The following SPAG16 variants were observed in gnomAD, a reference collection of about 807,000 sequenced individuals.
The protein encoded by SPAG16 is sperm-associated antigen 16 protein.
Under a neutral mutation model 80.4 loss-of-function variants are expected in SPAG16, and 86 were observed. The ratio of observed to expected loss-of-function variants is 1.07; its 90% CI spans 0.90 to 1.28. SPAG16 has a LOEUF of 1.28. Ranked by LOEUF, SPAG16 falls within the 50% of genes most tolerant of loss-of-function variation. SPAG16 has a pLI of 0.00. For missense variants in SPAG16, 870 were observed against 765.3 expected, an observed-to-expected ratio of 1.14 and a Z score of -1.61; for synonymous variants, 294 against 265.9, an observed-to-expected ratio of 1.11 and a Z score of -1.03.
chr2:214,013,813 C>A, intron 12 of SPAG16, 138 bp from the exon 13 acceptor site: 1 of 765,084 alleles, frequency 1.3e-6, no homozygotes, highest in East Asian at 2.7e-5. Flanking sequence ...TAGAATTTTA[C>A]TTTTAAAATG....
intron 10 of SPAG16, among the ~76,000 whole-genome samples, chr2:213,818,012 TA>T (rs1430710592): frequency 2.0e-5 from 3 of 152,132 alleles, no homozygotes; most frequent in Non-Finnish European, 2.9e-5. Flanking sequence ...TGGAAGGCGT[TA>T]AATGCTGCCT....
intron 10 of SPAG16, among the ~76,000 whole-genome samples, chr2:213,843,351 A>T (rs2074458417): frequency 1.3e-5 from 2 of 152,168 alleles, no homozygotes; most frequent in South Asian, 4.1e-4. Context: ...ACAGTGACTA[A>T]TCTATGCACT....
Position 213,377,817 on chromosome 2 carries a change from G to T in SPAG16, c.942+2698G>T, listed in dbSNP as rs142205593. 5.8e-3 allele frequency among the ~76,000 whole-genome samples: 875 copies of T among 151,908 alleles called. 1 individual carries two copies. The highest frequency in any genetic ancestry group is 9.0e-3 in the Non-Finnish European group (610 of 67,978). On this transcript the variant is annotated intron_variant, in intron 9 of 15. Coordinates refer to ENST00000331683, the MANE Select transcript of SPAG16 (RefSeq NM_024532.5). ...TCTTTGAACTTGGCAAAATCAGAAAGCTTTTATCCTGATGAGCACTGTATT... is the reference window on the plus strand; with the variant it reads ...TCTTTGAACTTGGCAAAATCAGAAATCTTTTATCCTGATGAGCACTGTATT...
intron 12 of SPAG16, among the ~76,000 whole-genome samples, chr2:213,986,109 G>T (rs1446973178): frequency 1.3e-5 from 2 of 152,032 alleles, no homozygotes; most frequent in Non-Finnish European, 2.9e-5. Context: ...ATTCCTATGG[G>T]AATACAGACA....
intron 7 of SPAG16, among the ~76,000 whole-genome samples, chr2:213,357,175 A>T (rs2125083537): frequency 6.6e-6 from 1 of 152,200 alleles, no homozygotes; most frequent in South Asian, 2.1e-4. Context: ...TTTACTTCCA[A>T]TTATATGGTC....
At chr2:214,234,603 A>G (rs1688948519) in intron 15 of SPAG16, among the ~76,000 whole-genome samples, 1 of 152,010 alleles carries the variant, frequency 6.6e-6, no homozygotes, top group Non-Finnish European at 1.5e-5. Context: ...GAGATCATAT[A>G]TCATTGTAGT....
intron 5 of SPAG16, among the ~76,000 whole-genome samples, chr2:213,330,053 A>G (rs1424103727): frequency 6.6e-6 from 1 of 152,200 alleles, no homozygotes; most frequent in Non-Finnish European, 1.5e-5. Context: ...TAAAAGATGT[A>G]TGGAAACGCC....
intron 12 of SPAG16, among the ~76,000 whole-genome samples, chr2:213,976,329 T>G (rs2045405072): frequency 6.7e-6 from 1 of 148,698 alleles, no homozygotes; most frequent in Admixed American, 6.6e-5. Context: ...TGTACGCATG[T>G]GTGCACATAT....
chr2:213,881,836 T>A (rs1307357275), intron 11 of SPAG16, among the ~76,000 whole-genome samples: 1 of 152,320 alleles, frequency 6.6e-6, no homozygotes, highest in East Asian at 1.9e-4. Flanking sequence ...CAGATGCCTT[T>A]TATTTCTTTC....
chr2:214,356,848 A>G (rs1356556982), intron 15 of SPAG16, among the ~76,000 whole-genome samples: 1 of 151,956 alleles, frequency 6.6e-6, no homozygotes, highest in African/African-American at 2.4e-5. Flanking sequence ...CATGATTACT[A>G]TGTGGTTGTC....
intron 10 of SPAG16, among the ~76,000 whole-genome samples, chr2:213,802,949 A>G (rs1462045426): frequency 1.3e-5 from 2 of 152,150 alleles, no homozygotes; most frequent in Non-Finnish European, 2.9e-5. Flanking sequence ...CTGGGCAGCT[A>G]CCATAACTGA....
intron 15 of SPAG16, among the ~76,000 whole-genome samples, chr2:214,330,477 T>C (rs747518431): frequency 6.6e-6 from 1 of 151,798 alleles, no homozygotes; most frequent in Admixed American, 6.6e-5. Flanking sequence ...CATCCAGGAG[T>C]CTTATTAGAA....
At chr2:213,530,943 A>G (rs1310182504) in intron 10 of SPAG16, among the ~76,000 whole-genome samples, 2 of 152,110 alleles carry the variant, frequency 1.3e-5, no homozygotes, top group Non-Finnish European at 2.9e-5. Flanking sequence ...AAATAAGAAA[A>G]TATTACTTGA....
At chr2:214,324,457 T>C (rs982963627) in intron 15 of SPAG16, among the ~76,000 whole-genome samples, 1 of 152,212 alleles carries the variant, frequency 6.6e-6, no homozygotes, top group Admixed American at 6.5e-5. Flanking sequence ...ATGCAAGATT[T>C]CCTCTCTAAG....
chr2:213,643,485 G>A (rs1165671452), intron 10 of SPAG16, among the ~76,000 whole-genome samples: 1 of 143,254 alleles, frequency 7.0e-6, no homozygotes, highest in Non-Finnish European at 1.5e-5. Context: ...ATGACTTGAG[G>A]TATTCTTTGT....
At chr2:213,891,021 A>G (rs1285286599) in intron 11 of SPAG16, among the ~76,000 whole-genome samples, 1 of 152,052 alleles carries the variant, frequency 6.6e-6, no homozygotes, top group African/African-American at 2.4e-5. Context: ...GACTTTCTGA[A>G]CTTTGAAATA....
At chr2:214,045,947 A>G (rs1314889338) in intron 13 of SPAG16, among the ~76,000 whole-genome samples, 2 of 152,182 alleles carry the variant, frequency 1.3e-5, no homozygotes, top group Non-Finnish European at 2.9e-5. Flanking sequence ...TAAAATTGAC[A>G]TACTTTGAGC....
At chr2:213,731,517 G>A (rs2067042740) in intron 10 of SPAG16, among the ~76,000 whole-genome samples, 2 of 149,080 alleles carry the variant, frequency 1.3e-5, no homozygotes, top group South Asian at 4.2e-4. Flanking sequence ...TGTGCAGGAT[G>A]TGCAGATTTG....
chr2:213,606,679 T>C (rs1014211327), intron 10 of SPAG16, among the ~76,000 whole-genome samples: 1 of 152,130 alleles, frequency 6.6e-6, no homozygotes, highest in Admixed American at 6.6e-5. Flanking sequence ...TTCTTATCTT[T>C]AGCCTGGATT....
Sources: allele counts gnomAD v4.1 joint callset (sites outside exome capture counted in the v4.1 genomes callset), GRCh38; gene constraint gnomAD v4.1.1; transcripts MANE v1.5; gene names NCBI Gene and HGNC (gene_info 2026-07-23, HGNC 2026-07-21).